The following FER variants were observed in gnomAD, a reference collection of about 807,000 sequenced individuals.
FER encodes the protein tyrosine-protein kinase Fer.
A neutral mutation model predicts 111.0 loss-of-function variants in FER; 63 were observed. The ratio of observed to expected loss-of-function variants is 0.57; its 90% confidence interval spans 0.46 to 0.70. The LOEUF (loss-of-function observed/expected upper bound fraction) is 0.70. FER is among the 30% of genes least tolerant of loss of function. FER has a pLI of 0.00. For missense variants in FER, 914 were observed against 954.0 expected, an observed-to-expected ratio of 0.96 and a Z score of 0.55; for synonymous variants, 327 against 313.9, an observed-to-expected ratio of 1.04 and a Z score of -0.44.
At chr5:109,013,767 T>G (rs1189179906) in intron 13 of FER, among the ~76,000 whole-genome samples, 82 of 149,592 alleles carry the variant, frequency 5.5e-4, no homozygotes, top group African/African-American at 1.8e-3. Flanking sequence ...TTTTAATGAT[T>G]GCCATTCTAA....
rs148535582 is a variant in FER at position 109,072,119 on chromosome 5, G to A, written c.1924+24921G>A. 5.8e-3 allele frequency among the ~76,000 whole-genome samples: 879 copies of A among 150,878 alleles called. 5 individuals carry two copies. Among genetic ancestry groups the A allele is most frequent in the African/African-American group, 0.02 (839 of 41,208 alleles). On this transcript the variant is annotated intron_variant, in intron 16 of 19. Transcript: ENST00000281092. ...TTGTACTGTTTGATATAAATAATTT[G>A]GATATAACTAACTAGATCTTTTAAG...
In FER at chr5:108,883,415, G is replaced by T; in HGVS notation, c.943G>T (p.Glu315Ter). Residue 315 changes from glutamate to a stop codon, truncating the protein, a stop_gained, in exon 9 of 20, where the codon GAA becomes TAA. Transcript: ENST00000281092. LOFTEE classifies it high-confidence loss of function. Reference sequence around the variant, plus strand: ...TTCTAGGTTGAAAACGTTAGCGGAAGAACTTATGCAAACACAGCAGATGCT... The same window carrying T: ...TTCTAGGTTGAAAACGTTAGCGGAATAACTTATGCAAACACAGCAGATGCT... Reference protein sequence around the residue: ...LQVMLKTLAEELMQTQQMLLN... With the variant: ...LQVMLKTLAE The T allele has an allele frequency of 6.2e-7, 1 of 1,606,978 alleles. No homozygotes were observed. The highest frequency in any genetic ancestry group is 1.1e-5 in the South Asian group (1 of 90,058).
intron 16 of FER, among the ~76,000 whole-genome samples, chr5:109,090,360 C>T (rs1194193792): frequency 1.3e-5 from 2 of 152,154 alleles, no homozygotes; most frequent in Non-Finnish European, 2.9e-5. Context: ...ATATATTCCT[C>T]TGTATGAAGC....
Position 108,883,422 on chromosome 5 carries a change from T to G in FER, c.950T>G (p.Met317Arg), listed in dbSNP as rs1454761319. The G allele has an allele frequency of 6.2e-6, 10 of 1,607,892 alleles. No homozygotes were observed. The highest frequency in any genetic ancestry group is 8.5e-6 in the Non-Finnish European group (10 of 1,176,394). Residue 317 changes from methionine to arginine, a missense_variant, in exon 9 of 20, where the codon ATG becomes AGG. Coordinates refer to ENST00000281092, the MANE Select transcript of FER (RefSeq NM_005246.4). The stretch of plus-strand genomic sequence containing the variant: ...TTGAAAACGTTAGCGGAAGAACTTA[T>G]GCAAACACAGCAGATGCTTTTAAAC... ...VMLKTLAEEL[M>R]QTQQMLLNKE... is the part of the protein sequence containing the mutation.
intron 13 of FER, among the ~76,000 whole-genome samples, chr5:109,017,905 G>A (rs1409825602): frequency 6.6e-6 from 1 of 151,804 alleles, no homozygotes; most frequent in South Asian, 2.1e-4. Context: ...ACCTCCATCT[G>A]TGGTCACATA....
At chr5:108,856,138 T>C (rs1259598320) in intron 5 of FER, among the ~76,000 whole-genome samples, 3 of 152,118 alleles carry the variant, frequency 2.0e-5, no homozygotes, top group African/African-American at 7.2e-5. Context: ...AAGGACAGTT[T>C]ATTCATAGTA....
At chr5:108,810,786 T>G (rs1041827356) in intron 3 of FER, among the ~76,000 whole-genome samples, 4 of 152,320 alleles carry the variant, frequency 2.6e-5, no homozygotes, top group Admixed American at 6.5e-5. Context: ...CTTAGTCTGC[T>G]GACCTAGGTG....
chr5:108,984,641 T>C (rs1329083561), intron 13 of FER, among the ~76,000 whole-genome samples: 1 of 152,050 alleles, frequency 6.6e-6, no homozygotes, highest in Non-Finnish European at 1.5e-5. Flanking sequence ...ATTTATTGAG[T>C]ATTATGCTCA....
intron 9 of FER, among the ~76,000 whole-genome samples, chr5:108,893,241 C>G (rs1256834818): frequency 6.6e-6 from 1 of 151,512 alleles, no homozygotes; most frequent in Non-Finnish European, 1.5e-5. Flanking sequence ...GGCATTGACT[C>G]TATAAATTAC....
intron 8 of FER, among the ~76,000 whole-genome samples, chr5:108,876,643 C>A (rs1407831993): frequency 6.6e-6 from 1 of 152,176 alleles, no homozygotes; most frequent in African/African-American, 2.4e-5. Flanking sequence ...TATGCAATTG[C>A]ACCATGCCTG....
chr5:109,055,959 C>T (rs7719329), intron 16 of FER, among the ~76,000 whole-genome samples: 24,663 of 151,542 alleles, frequency 0.16, 2,106 homozygotes, highest in Non-Finnish European at 0.17. Flanking sequence ...TAAAAATGGC[C>T]GACAGATATA....
At position 109,011,425 on chromosome 5, in the gene FER, A is replaced by G. The variant is rs115202459; in HGVS notation, c.1657-25997A>G. Among the ~76,000 whole-genome samples, 785 of 152,338 alleles carry G rather than the reference A, an allele frequency of 5.2e-3. 3 individuals carry two copies. The highest frequency in any genetic ancestry group is 0.018 in the African/African-American group (743 of 41,590). On this transcript the variant is annotated intron_variant, in intron 13 of 19. Coordinates refer to ENST00000281092, the MANE Select transcript of FER (RefSeq NM_005246.4). ...TCTGGTTTGTCTTTGTTTTCAGTACATTAACTGGAATTTGTTTCTTGTCTC... is the reference window on the plus strand; with the variant it reads ...TCTGGTTTGTCTTTGTTTTCAGTACGTTAACTGGAATTTGTTTCTTGTCTC...
At chr5:108,938,406 A>C (rs1163872286) in intron 10 of FER, among the ~76,000 whole-genome samples, 1 of 151,980 alleles carries the variant, frequency 6.6e-6, no homozygotes, top group African/African-American at 2.4e-5. Flanking sequence ...GTTGACAATG[A>C]GAGTGGAAAA....
At chr5:108,779,971 TG>T (rs1376471235) in intron 2 of FER, among the ~76,000 whole-genome samples, 2 of 152,214 alleles carry the variant, frequency 1.3e-5, no homozygotes, top group Non-Finnish European at 2.9e-5. Flanking sequence ...AGCATATATC[TG>T]TATACACACA....
At position 109,188,931 on chromosome 5, in the gene FER, C is replaced by G. The variant is rs1759168764; in HGVS notation, c.*1356C>G. ...TGTACATGCGCGTGCACACACACCA[C>G]CAAGGTGCAAGACAGATGTGAATGA... On this transcript the variant is annotated 3_prime_UTR_variant, in exon 20 of 20. Coordinates refer to ENST00000281092, the MANE Select transcript of FER (RefSeq NM_005246.4). The G allele has an allele frequency of 6.6e-6, 1 of 152,166 alleles. No individual in the cohort carries two copies. The allele number at this position is 152,166 out of a possible 1,614,324, so 9.4% of individuals were successfully genotyped here.
intron 13 of FER, among the ~76,000 whole-genome samples, chr5:108,975,396 A>G (rs1761204914): frequency 6.6e-6 from 1 of 152,182 alleles, no homozygotes; most frequent in Admixed American, 6.5e-5. Context: ...CTGTACATGT[A>G]TCCCAGAACT....
intron 17 of FER, among the ~76,000 whole-genome samples, chr5:109,154,890 G>A (rs1755202678): frequency 6.6e-6 from 1 of 151,802 alleles, no homozygotes; most frequent in African/African-American, 2.4e-5. Context: ...CATCTCAGTG[G>A]CTTCGTGTAT....
chr5:109,096,216 A>T (rs1747492714), intron 16 of FER, among the ~76,000 whole-genome samples: 1 of 152,028 alleles, frequency 6.6e-6, no homozygotes. Flanking sequence ...TGAAAATAAT[A>T]GCCACCTATC....
chr5:108,779,167 G>A (rs146664547), intron 2 of FER, among the ~76,000 whole-genome samples: 50 of 152,142 alleles, frequency 3.3e-4, no homozygotes, highest in Middle Eastern at 3.4e-3. Flanking sequence ...CGGTCTATTT[G>A]TCTGTTCTTT....
Sources: gnomAD v4.1 joint callset for allele counts (sites outside exome capture counted in the v4.1 genomes callset) on GRCh38, gnomAD v4.1.1 for gene constraint, MANE v1.5 for transcripts, NCBI Gene and HGNC (gene_info 2026-07-23, HGNC 2026-07-21) for gene names.